Variants in RSRC1 observed in about 807,000 individuals in gnomAD.
RSRC1 encodes the protein arginine and serine rich coiled-coil 1, also known as serine/Arginine-related protein 53.
A neutral mutation model predicts 49.1 loss-of-function variants in RSRC1; 39 were observed. The ratio of observed to expected loss-of-function variants is 0.79; its 90% CI spans 0.61 to 1.04. RSRC1 has a LOEUF of 1.04. Among genes scored for constraint, RSRC1 ranks in the 50% least tolerant of loss-of-function variants. The pLI is 0.00. For synonymous variants in RSRC1, 143 were observed against 130.8 expected, an observed-to-expected ratio of 1.09 and a Z score of -0.63; for missense variants, 388 against 402.4, an observed-to-expected ratio of 0.96 and a Z score of 0.31.
At chr3:158,401,285 G>A (rs1733883520) in intron 6 of RSRC1, among the ~76,000 whole-genome samples, 1 of 151,988 alleles carries the variant, frequency 6.6e-6, no homozygotes, top group African/African-American at 2.4e-5. Context: ...TTTCAGGGAA[G>A]GAGAATATCA....
At chr3:158,372,493 G>C (rs1027208242) in intron 6 of RSRC1, among the ~76,000 whole-genome samples, 3 of 151,806 alleles carry the variant, frequency 2.0e-5, no homozygotes, top group Non-Finnish European at 4.4e-5. Flanking sequence ...TCTCTATTCT[G>C]TTCCATTGAT....
intron 7 of RSRC1, among the ~76,000 whole-genome samples, chr3:158,508,503 CTT>C (rs375671503): frequency 4.1e-5 from 6 of 146,738 alleles, no homozygotes; most frequent in South Asian, 2.2e-4. Flanking sequence ...GTTTTTCTCT[CTT>C]TTTTTTTTTA....
chr3:158,179,118 T>C (rs539996281), intron 3 of RSRC1, among the ~76,000 whole-genome samples: 1 of 152,240 alleles, frequency 6.6e-6, no homozygotes, highest in Non-Finnish European at 1.5e-5. Context: ...ATGCATCTTA[T>C]TGTTTTATCT....
At chr3:158,397,723 A>T (rs1027406556) in intron 6 of RSRC1, among the ~76,000 whole-genome samples, 21 of 152,010 alleles carry the variant, frequency 1.4e-4, no homozygotes, top group Non-Finnish European at 2.1e-4. Context: ...CAAATTCAAT[A>T]AGCTTTTTTC....
At chr3:158,256,534 T>A (rs1237294771) in intron 4 of RSRC1, among the ~76,000 whole-genome samples, 1 of 152,150 alleles carries the variant, frequency 6.6e-6, no homozygotes. Context: ...TTTGTTGTTG[T>A]TGTTGTTGTG....
chr3:158,438,657 C>G (rs189498049), intron 6 of RSRC1, among the ~76,000 whole-genome samples: 1 of 152,148 alleles, frequency 6.6e-6, no homozygotes, highest in African/African-American at 2.4e-5. Flanking sequence ...ACACCATATA[C>G]AAAAATTAAT....
chr3:158,149,118 C>T (rs1250242057), intron 3 of RSRC1, among the ~76,000 whole-genome samples: 2 of 152,116 alleles, frequency 1.3e-5, no homozygotes, highest in Non-Finnish European at 2.9e-5. Context: ...GCTGTACTTT[C>T]GGTTTACTAC....
chr3:158,327,090 T>G (rs1479191851), intron 5 of RSRC1, among the ~76,000 whole-genome samples: 1 of 152,182 alleles, frequency 6.6e-6, no homozygotes, highest in Non-Finnish European at 1.5e-5. Context: ...AGTAATGGGA[T>G]ATATCATTTT....
chr3:158,375,221 G>C (rs574983867), intron 6 of RSRC1, among the ~76,000 whole-genome samples: 7 of 149,034 alleles, frequency 4.7e-5, no homozygotes, highest in South Asian at 2.1e-4. Flanking sequence ...TTTGAGACAG[G>C]GTCTCACTCT....
At chr3:158,517,021 G>A (rs984902973) in intron 7 of RSRC1, among the ~76,000 whole-genome samples, 10 of 152,110 alleles carry the variant, frequency 6.6e-5, no homozygotes, top group East Asian at 1.9e-4. Context: ...AGATGAACCC[G>A]GTACCTCAGA....
intron 6 of RSRC1, among the ~76,000 whole-genome samples, chr3:158,419,133 CA>C (rs1278696462): frequency 6.6e-6 from 1 of 151,876 alleles, no homozygotes; most frequent in Non-Finnish European, 1.5e-5. Flanking sequence ...TAAATTATGT[CA>C]ATTATGTTTC....
At chr3:158,289,368 A>G (rs1013083680) in intron 4 of RSRC1, among the ~76,000 whole-genome samples, 2 of 152,240 alleles carry the variant, frequency 1.3e-5, no homozygotes, top group South Asian at 2.1e-4. Flanking sequence ...AGTGTGTATC[A>G]TAAGTCCTTG....
At chr3:158,259,421 T>C (rs1273915417) in intron 4 of RSRC1, among the ~76,000 whole-genome samples, 1 of 151,984 alleles carries the variant, frequency 6.6e-6, no homozygotes, top group East Asian at 1.9e-4. Context: ...CCCTTTCTTT[T>C]CCCCAAACAG....
Position 158,539,499 on chromosome 3 carries a change from T to C in RSRC1, c.759+2301T>C, listed in dbSNP as rs532007776. Among the ~76,000 whole-genome samples the C allele has an allele frequency of 1.1e-4, 17 of 152,148 alleles. No individual in the cohort carries two copies. Among genetic ancestry groups the C allele is most frequent in the Non-Finnish European group, 2.4e-4 (16 of 67,986 alleles). On this transcript the variant is annotated intron_variant, in intron 8 of 9. Coordinates refer to ENST00000611884, the MANE Select transcript of RSRC1 (RefSeq NM_001271838.2). The surrounding 1 kb of genome is among the most constrained non-coding windows in gnomAD (Gnocchi z 4.1). ...GAGTTATTCAACCCTAATGTTGTTG[T>C]ATCTGGCAGATACCCACCTGTGTTC...
intron 7 of RSRC1, among the ~76,000 whole-genome samples, chr3:158,508,869 A>C (rs1208380091): frequency 6.6e-6 from 1 of 152,186 alleles, no homozygotes; most frequent in Non-Finnish European, 1.5e-5. Context: ...TCTGTTGCCC[A>C]GGCTGACCTT....
intron 5 of RSRC1, among the ~76,000 whole-genome samples, chr3:158,310,769 A>C (rs1251351933): frequency 6.6e-6 from 1 of 151,830 alleles, no homozygotes; most frequent in Non-Finnish European, 1.5e-5. Context: ...AGTTTAGAAA[A>C]TTTTGAAGTA....
chr3:158,134,064 G>A (rs958401346), intron 3 of RSRC1, among the ~76,000 whole-genome samples: 3 of 151,294 alleles, frequency 2.0e-5, no homozygotes, highest in African/African-American at 7.3e-5. Flanking sequence ...GAAAGAAAAT[G>A]GCCCTGGAGT....
intron 7 of RSRC1, among the ~76,000 whole-genome samples, chr3:158,531,804 A>G (rs988552375): frequency 2.0e-5 from 3 of 151,954 alleles, no homozygotes; most frequent in African/African-American, 7.2e-5. Flanking sequence ...AGGGAAAACA[A>G]TTGGATGTGC....
intron 5 of RSRC1, among the ~76,000 whole-genome samples, chr3:158,340,645 C>G (rs1276270474): frequency 1.3e-5 from 2 of 152,188 alleles, no homozygotes; most frequent in Non-Finnish European, 2.9e-5. Flanking sequence ...CCAATTAAAC[C>G]TCTTTCTGTT....
Sources: gnomAD v4.1 joint callset for allele counts (sites outside exome capture counted in the v4.1 genomes callset) on GRCh38, gnomAD v4.1.1 for gene constraint, Gnocchi (gnomAD v3.1) non-coding constraint, MANE v1.5 for transcripts, NCBI Gene and HGNC (gene_info 2026-07-23, HGNC 2026-07-21) for gene names.